Variants in ZBTB7C observed in about 807,000 individuals in gnomAD.
ZBTB7C encodes the protein zinc finger and BTB domain containing 7C, also known as zinc finger and BTB domain-containing protein 7C.
ZBTB7C carries 8 observed loss-of-function variants against 25.7 expected under a neutral mutation model. The ratio of observed to expected loss-of-function variants is 0.31; its 90% CI spans 0.18 to 0.56. The LOEUF is 0.56. Among genes scored for constraint, ZBTB7C ranks in the 20% least tolerant of loss-of-function variants. The pLI, the probability that ZBTB7C is intolerant of heterozygous loss-of-function variation, is 0.91. For synonymous variants in ZBTB7C, 394 were observed against 369.0 expected (o/e 1.07, Z -0.78); for missense variants, 824 against 855.2 (o/e 0.96, Z 0.46).
chr18:48,165,180 G>A lies in ZBTB7C; in HGVS notation c.-17+20754C>T, dbSNP rs777546860. The stretch of plus-strand genomic sequence containing the variant: ...AAATTTGCAGTCCAGGAAGGGGAGG[G>A]TTCTTGTCCAAGGTCACAAAGCAAT... On this transcript the variant is annotated intron_variant, in intron 3 of 4. Transcript: ENST00000590800. The A allele has an allele frequency of 3.2e-6, 4 of 1,260,708 alleles. No homozygotes were observed. The South Asian group carries it at 5.0e-5, about 16-fold the overall frequency. The allele number at this position is 1,260,708 out of a possible 1,614,324, so 78.1% of individuals were successfully genotyped here. A position where few individuals can be genotyped will look rare whatever the true frequency, so the allele number is the denominator to read the frequency against.
intron 1 of ZBTB7C, among the ~76,000 whole-genome samples, chr18:48,370,391 G>A (rs1219780046): frequency 2.6e-5 from 4 of 152,108 alleles, no homozygotes; most frequent in Admixed American, 1.3e-4. Flanking sequence ...CAGAAATGAA[G>A]AACAGGTTTC....
intron 2 of ZBTB7C, among the ~76,000 whole-genome samples, chr18:48,198,665 G>C (rs1171491439): frequency 6.6e-6 from 1 of 152,040 alleles, no homozygotes; most frequent in African/African-American, 2.4e-5. Context: ...TCATGTATAA[G>C]GACCCTTATG....
intron 3 of ZBTB7C, among the ~76,000 whole-genome samples, chr18:48,163,735 G>A (rs1264675517): frequency 2.6e-5 from 4 of 152,116 alleles, no homozygotes; most frequent in Admixed American, 2.6e-4. Flanking sequence ...CATTAAGAGG[G>A]ACAACAAAAA....
intron 3 of ZBTB7C, among the ~76,000 whole-genome samples, chr18:48,053,742 G>A (rs1003710181): frequency 5.9e-5 from 9 of 152,182 alleles, no homozygotes; most frequent in Non-Finnish European, 1.3e-4. Context: ...GAAAGAGATG[G>A]AGCTCCTGGT....
At position 48,304,610 on chromosome 18, in the gene ZBTB7C, G is replaced by T. The variant is rs183338791; in HGVS notation, c.-79+33564C>A. 9.7e-3 allele frequency among the ~76,000 whole-genome samples: 1,477 copies of T among 152,298 alleles called. 30 individuals carry two copies. The highest frequency in any genetic ancestry group is 0.034 in the African/African-American group (1,424 of 41,560). On this transcript the variant is annotated intron_variant, in intron 2 of 4. Coordinates refer to ENST00000590800, the MANE Select transcript of ZBTB7C (RefSeq NM_001318841.2). ...GAATCGCTTGAACCCGGGCAGCGGA[G>T]GTTGCAGTGAGCCAAGACCGCACCA...
intron 2 of ZBTB7C, among the ~76,000 whole-genome samples, chr18:48,334,489 G>GTTATT (rs2046416401): frequency 6.6e-6 from 1 of 152,138 alleles, no homozygotes; most frequent in African/African-American, 2.4e-5. Flanking sequence ...CCCCAGGTAG[G>GTTATT]GAACTAAGAG....
At chr18:48,149,385 G>C (rs1264753095) in intron 3 of ZBTB7C, 1 of 152,232 alleles carries the variant, frequency 6.6e-6, no homozygotes, top group Non-Finnish European at 1.5e-5. Flanking sequence ...ATCTTCTCTA[G>C]CTGGCTCCAG....
intron 3 of ZBTB7C, among the ~76,000 whole-genome samples, chr18:48,105,674 T>C (rs1470672376): frequency 6.6e-6 from 1 of 151,848 alleles, no homozygotes; most frequent in African/African-American, 2.4e-5. Flanking sequence ...AACAACTAAG[T>C]CTCAAAAACA....
chr18:48,273,860 T>G (rs1297007239), intron 2 of ZBTB7C, among the ~76,000 whole-genome samples: 1 of 152,164 alleles, frequency 6.6e-6, no homozygotes, highest in Non-Finnish European at 1.5e-5. Context: ...GAGTGATTTT[T>G]TATTTTTTCT....
chr18:48,266,813 A>ATT (rs567698374), intron 2 of ZBTB7C, among the ~76,000 whole-genome samples: 97 of 147,388 alleles, frequency 6.6e-4, no homozygotes, highest in African/African-American at 2.3e-3. Context: ...TATAGAATGG[A>ATT]TTTTTTTTTT....
chr18:48,311,483 T>C (rs1014282986), intron 2 of ZBTB7C, among the ~76,000 whole-genome samples: 9 of 152,176 alleles, frequency 5.9e-5, no homozygotes, highest in Non-Finnish European at 1.0e-4. Flanking sequence ...TGGTTGTCAG[T>C]AACTCGGTAA....
At chr18:48,093,135 A>T (rs2038481329) in intron 3 of ZBTB7C, among the ~76,000 whole-genome samples, 1 of 152,242 alleles carries the variant, frequency 6.6e-6, no homozygotes, top group African/African-American at 2.4e-5. Context: ...CTGTATTAAC[A>T]GAGCACTGAC....
chr18:48,212,875 A>G (rs1025813873), intron 2 of ZBTB7C, among the ~76,000 whole-genome samples: 36 of 152,052 alleles, frequency 2.4e-4, no homozygotes, highest in Admixed American at 2.0e-3. Flanking sequence ...ATATAGGCCA[A>G]CTTCGAAGAA....
chr18:48,068,062 T>A (rs966563739), intron 3 of ZBTB7C, among the ~76,000 whole-genome samples: 11 of 152,130 alleles, frequency 7.2e-5, no homozygotes, highest in African/African-American at 2.7e-4. Context: ...CTATTGGTTC[T>A]GCTTCTCTGG....
intron 2 of ZBTB7C, among the ~76,000 whole-genome samples, chr18:48,320,335 C>T (rs955951468): frequency 3.3e-5 from 5 of 152,272 alleles, no homozygotes; most frequent in Middle Eastern, 3.4e-3. Context: ...TTGCAGGCTG[C>T]TGTGGGGACT....
chr18:48,225,532 TAC>T (rs2043066478), intron 2 of ZBTB7C, among the ~76,000 whole-genome samples: 1 of 152,180 alleles, frequency 6.6e-6, no homozygotes, highest in African/African-American at 2.4e-5. Context: ...TCCATCCATA[TAC>T]ACAAGCCCCC....
chr18:48,255,233 T>C (rs188366126), intron 2 of ZBTB7C, among the ~76,000 whole-genome samples: 1 of 152,170 alleles, frequency 6.6e-6, no homozygotes, highest in Admixed American at 6.5e-5. Context: ...AAAAAGCCAA[T>C]CAATCCAAAC....
chr18:48,329,073 T>A (rs2144898681), intron 2 of ZBTB7C, among the ~76,000 whole-genome samples: 1 of 152,296 alleles, frequency 6.6e-6, no homozygotes. Context: ...GAAGATATAT[T>A]CTCTGAGTCA....
intron 2 of ZBTB7C, among the ~76,000 whole-genome samples, chr18:48,244,653 A>G (rs1336143717): frequency 6.6e-6 from 1 of 152,238 alleles, no homozygotes; most frequent in Non-Finnish European, 1.5e-5. Context: ...ATAATTCTCA[A>G]AAGAAGATAT....
Sources: gnomAD v4.1 joint callset for allele counts (sites outside exome capture counted in the v4.1 genomes callset) on GRCh38, gnomAD v4.1.1 for gene constraint, MANE v1.5 for transcripts, NCBI Gene and HGNC (gene_info 2026-07-23, HGNC 2026-07-21) for gene names.